Variants in KLHL6 observed in about 807,000 individuals in gnomAD.
KLHL6 encodes the protein kelch like family member 6, also known as kelch-like protein 6.
Under a neutral mutation model 58.6 loss-of-function variants are expected in KLHL6, and 41 were observed. That is an observed-to-expected ratio of 0.70 (90% CI 0.55 to 0.91). The LOEUF (loss-of-function observed/expected upper bound fraction) is 0.91, where lower values mean the gene tolerates loss of function less well. Ranked by LOEUF, KLHL6 falls within the 40% of genes least tolerant of loss-of-function variation. The probability of loss-of-function intolerance (pLI) is 0.00; values close to 1 mark genes in which losing one functional copy is unlikely to be tolerated. For synonymous variants in KLHL6, 338 were observed against 322.7 expected (o/e 1.05, Z -0.51); for missense variants, 714 against 805.6 (o/e 0.89, Z 1.38).
At chr3:183,524,048 A>C (rs527343314) in intron 2 of KLHL6, among the ~76,000 whole-genome samples, 1 of 152,226 alleles carries the variant, frequency 6.6e-6, no homozygotes, top group Admixed American at 6.5e-5. Flanking sequence ...GGTGTGAGCC[A>C]CTGTGCCCGG....
At position 183,499,617 on chromosome 3, in the gene KLHL6, T is replaced by A. The variant is rs747860265; in HGVS notation, c.1120A>T (p.Thr374Ser). Residue 374 changes from threonine to serine, a missense_variant, in exon 4 of 7, where the codon ACA becomes TCA. Coordinates refer to ENST00000341319, the MANE Select transcript of KLHL6 (RefSeq NM_130446.4). The surrounding 1 kb of genome is among the most constrained non-coding windows in gnomAD (Gnocchi z 4.6). ...GAGATGTAGACCTCATTTTTCAATG[T>A]CACGCATGCAAACTCCACCCACTTC... ...NKKWVEFACV[T>S]LKNEVYISGG... 3.7e-6 allele frequency: 6 copies of A among 1,602,334 alleles called. No homozygotes were observed. The Admixed American group carries it at 1.0e-4, about 28-fold the overall frequency.
At chr3:183,497,620 G>T (rs189481377) in intron 4 of KLHL6, among the ~76,000 whole-genome samples, 163 of 152,250 alleles carry the variant, frequency 1.1e-3, no homozygotes, top group African/African-American at 3.7e-3. Flanking sequence ...CCAGGCTGAG[G>T]CTTTTATGAG....
rs530224398 is a variant in KLHL6 at position 183,499,928 on chromosome 3, C to T, written c.910-101G>A. 3.5e-5 allele frequency: 27 copies of T among 778,016 alleles called. No individual in the cohort carries two copies. Among genetic ancestry groups the T allele is most frequent in the Admixed American group, 6.4e-5 (2 of 31,394 alleles). 48.2% of individuals were successfully genotyped at this position (778,016 alleles called of 1,614,324 possible). A position where few individuals can be genotyped will look rare whatever the true frequency, so the allele number is the denominator to read the frequency against. ...TCGGGTCCAATTCCCATATCTGCCA[C>T]GGTATGACCATGTGACTTCACCTCC... On this transcript the variant is annotated intron_variant, in intron 3 of 6. Coordinates refer to ENST00000341319, the MANE Select transcript of KLHL6 (RefSeq NM_130446.4). This position sits in a 1 kb window ranked among gnomAD's most constrained non-coding sequence, Gnocchi z 4.6.
intron 1 of KLHL6, among the ~76,000 whole-genome samples, chr3:183,543,128 A>C (rs992818703): frequency 1.3e-5 from 2 of 152,142 alleles, no homozygotes; most frequent in Admixed American, 6.5e-5. Context: ...CCCCATCTCT[A>C]CTAATAATAC....
chr3:183,551,039 T>C (rs1712895027), intron 1 of KLHL6, among the ~76,000 whole-genome samples: 1 of 148,926 alleles, frequency 6.7e-6, no homozygotes, highest in Admixed American at 6.8e-5. Flanking sequence ...GAGAATGGCA[T>C]GAACCCAGGA....
intron 1 of KLHL6, among the ~76,000 whole-genome samples, chr3:183,538,801 A>G (rs537595102): frequency 6.6e-6 from 1 of 152,258 alleles, no homozygotes; most frequent in East Asian, 1.9e-4. Flanking sequence ...GCACTTAAAC[A>G]TTCAGCTCTG....
intron 2 of KLHL6, among the ~76,000 whole-genome samples, chr3:183,526,990 T>C (rs1251968645): frequency 6.6e-6 from 1 of 151,704 alleles, no homozygotes; most frequent in Non-Finnish European, 1.5e-5. Context: ...TCCCAGCTAC[T>C]TGGGAGGCTA....
chr3:183,555,505 T>C lies in KLHL6; in HGVS notation c.149A>G (p.Asp50Gly). The C allele has an allele frequency of 6.2e-7, 1 of 1,614,116 alleles. No individual in the cohort carries two copies. Among genetic ancestry groups the C allele is most frequent in the Non-Finnish European group, 8.5e-7 (1 of 1,180,026 alleles). ...EILNGEKVKF[D>G]DAGLSLILQN... is the part of the protein sequence containing the mutation. ...AAGAATTAAGGAGAGTCCCGCGTCG[T>C]CAAATTTGACCTTTTCCCCATTTAA... Residue 50 changes from aspartate (D) to glycine (G), a missense_variant, in exon 1 of 7, where the codon GAC becomes GGC. Physicochemically the swap from Asp to Gly is moderately conservative, Grantham distance 94. Around this residue, in one of 2 missense-constraint regions of KLHL6, gnomAD observed 204 missense variants for 175.9 expected, o/e 1.16. Transcript: ENST00000341319.
At chr3:183,534,120 T>TTAAAGTACTTTAAAAGTACTTTAATTA (rs1269847501) in intron 1 of KLHL6, among the ~76,000 whole-genome samples, 1 of 124,430 alleles carries the variant, frequency 8.0e-6, no homozygotes, top group Non-Finnish European at 1.8e-5. Context: ...TACTTTACTT[T>TTAAAGTACTTTAAAAGTACTTTAATTA]TAAAGTACTT....
rs763053860 is a variant in KLHL6 at position 183,488,364 on chromosome 3, C to T, written c.*3563G>A. 2 of 152,244 alleles carry T rather than the reference C, an allele frequency of 1.3e-5. No homozygotes were observed. Among genetic ancestry groups the T allele is most frequent in the Non-Finnish European group, 2.9e-5 (2 of 68,062 alleles). The allele number at this position is 152,244 out of a possible 1,614,324, so 9.4% of individuals were successfully genotyped here. A position where few individuals can be genotyped will look rare whatever the true frequency, so the allele number is the denominator to read the frequency against. ...TCTGCTCTAAGAAGGGGATTCCTTC[C>T]TTAGTTCCTTGCCTAGAATACTCCC... On this transcript the variant is annotated 3_prime_UTR_variant, in exon 7 of 7. Transcript: ENST00000341319.
chr3:183,492,361 C>G lies in KLHL6; in HGVS notation c.1564+133G>C, dbSNP rs1560089315. ...AGAGAAACAGTCGATTGATGGCTCT[C>G]CTGAAAGCCAGAGTGGGTCCTAGGG... On this transcript the variant is annotated intron_variant, in intron 6 of 6. Transcript: ENST00000341319. The surrounding 1 kb of genome is among the most constrained non-coding windows in gnomAD (Gnocchi z 5.9). 7.7e-7 allele frequency: 1 copy of G among 1,306,512 alleles called. No homozygotes were observed. The highest frequency in any genetic ancestry group is 2.2e-5 in the Admixed American group (1 of 44,966). 80.9% of individuals were successfully genotyped at this position (1,306,512 alleles called of 1,614,324 possible). A position where few individuals can be genotyped will look rare whatever the true frequency, so the allele number is the denominator to read the frequency against.
At chr3:183,522,623 A>G (rs917432090) in intron 2 of KLHL6, 1 of 152,242 alleles carries the variant, frequency 6.6e-6, no homozygotes, top group East Asian at 1.9e-4. Flanking sequence ...TACATAGTAT[A>G]TCATAGTAGG....
chr3:183,548,102 G>A (rs1223411426), intron 1 of KLHL6, among the ~76,000 whole-genome samples: 1 of 152,176 alleles, frequency 6.6e-6, no homozygotes, highest in Non-Finnish European at 1.5e-5. Flanking sequence ...TAGGACATCA[G>A]TCTGGATCAA....
intron 1 of KLHL6, among the ~76,000 whole-genome samples, chr3:183,534,310 C>T (rs1712288273): frequency 6.6e-6 from 1 of 152,042 alleles, no homozygotes; most frequent in African/African-American, 2.4e-5. Context: ...CTCTAAGCCT[C>T]CCTTTGTTGG....
Position 183,499,126 on chromosome 3 carries a change from A to G in KLHL6, c.1147+464T>C, listed in dbSNP as rs1717795382. Among the ~76,000 whole-genome samples the G allele has an allele frequency of 6.6e-6, 1 of 152,060 alleles. No homozygotes were observed. Among genetic ancestry groups the G allele is most frequent in the Non-Finnish European group, 1.5e-5 (1 of 68,008 alleles). Reference sequence around the variant, plus strand: ...GGAGGCCGAAGCTGGTGCATCACCTATGGTCAGGAGTTCAAGACCAGCCTG... The same window carrying G: ...GGAGGCCGAAGCTGGTGCATCACCTGTGGTCAGGAGTTCAAGACCAGCCTG... On this transcript the variant is annotated intron_variant, in intron 4 of 6. Coordinates refer to ENST00000341319, the MANE Select transcript of KLHL6 (RefSeq NM_130446.4). The surrounding 1 kb of genome is among the most constrained non-coding windows in gnomAD (Gnocchi z 4.6).
intron 2 of KLHL6, chr3:183,520,580 G>A (rs1560101594): frequency 6.6e-6 from 1 of 151,958 alleles, no homozygotes; most frequent in Non-Finnish European, 1.5e-5. Flanking sequence ...CAGGACTATA[G>A]GGTAATGGTG....
intron 2 of KLHL6, among the ~76,000 whole-genome samples, chr3:183,512,193 C>G (rs987446356): frequency 1.3e-5 from 2 of 152,190 alleles, no homozygotes; most frequent in African/African-American, 4.8e-5. Flanking sequence ...AAAGGAAACT[C>G]ACTTAAATGG....
Position 183,491,881 on chromosome 3 carries a change from G to A in KLHL6, c.*46C>T, listed in dbSNP as rs748826885. On this transcript the variant is annotated 3_prime_UTR_variant, in exon 7 of 7. Coordinates refer to ENST00000341319, the MANE Select transcript of KLHL6 (RefSeq NM_130446.4). ...ACTGGAGGAGGGTGAGAGGTGAGGC[G>A]GGTACGCTGAGGGTCGGGGGGGCTC... 2.6e-5 allele frequency: 38 copies of A among 1,435,012 alleles called. 1 individual carries two copies. The African/African-American group carries it at 5.5e-4, about 21-fold the overall frequency. 88.9% of individuals were successfully genotyped at this position (1,435,012 alleles called of 1,614,324 possible). A position where few individuals can be genotyped will look rare whatever the true frequency, so the allele number is the denominator to read the frequency against.
chr3:183,547,299 G>T (rs1712759529), intron 1 of KLHL6, among the ~76,000 whole-genome samples: 1 of 152,144 alleles, frequency 6.6e-6, no homozygotes, highest in Non-Finnish European at 1.5e-5. Flanking sequence ...AGCGCTGGAG[G>T]TGCTATATAA....
Sources: allele counts gnomAD v4.1 joint callset (sites outside exome capture counted in the v4.1 genomes callset), GRCh38; gene constraint gnomAD v4.1.1; regional missense constraint gnomAD v4.1.1; non-coding constraint Gnocchi (gnomAD v3.1); transcripts MANE v1.5; gene names NCBI Gene and HGNC (gene_info 2026-07-23, HGNC 2026-07-21).